Variants in CFAP77 observed in about 807,000 individuals in gnomAD.
CFAP77 encodes cilia- and flagella-associated protein 77.
A neutral mutation model predicts 31.1 loss-of-function variants in CFAP77; 25 were observed. The observed-to-expected ratio is 0.80, with a 90% CI of 0.59 to 1.12. CFAP77 has a LOEUF of 1.12. Ranked by LOEUF, CFAP77 falls within the 50% of genes most tolerant of loss-of-function variation. The pLI is 0.00. For synonymous variants in CFAP77, 151 were observed against 159.9 expected (o/e 0.94, Z 0.42); for missense variants, 377 against 397.3 (o/e 0.95, Z 0.44).
chr9:132,495,854 TACA>T lies in CFAP77; in HGVS notation c.196-2836_196-2834del. 2.6e-5 allele frequency among the ~76,000 whole-genome samples: 4 copies of T among 152,288 alleles called. No homozygotes were observed. The highest frequency in any genetic ancestry group is 7.2e-5 in the African/African-American group (3 of 41,562). ...ATCTCTGCTCTCTGCCACGTGAAGA[TACA>T]ACAAGAAGGCGGCCATCTGCAAACC... On this transcript the variant is annotated intron_variant, in intron 1 of 5. Coordinates refer to ENST00000393216, the MANE Select transcript of CFAP77 (RefSeq NM_001282957.2). The surrounding 1 kb of genome is among the most constrained non-coding windows in gnomAD (Gnocchi z 4.2).
intron 1 of CFAP77, among the ~76,000 whole-genome samples, chr9:132,474,646 C>T (rs1158018743): frequency 6.6e-6 from 1 of 151,996 alleles, no homozygotes; most frequent in Admixed American, 6.6e-5. Flanking sequence ...CGGGTGGCGG[C>T]GGTAGAGAAT....
rs543587053 is a variant in CFAP77, at chr9:132,530,344, C to T, written c.525-7257C>T. On this transcript the variant is annotated intron_variant, in intron 3 of 5. Coordinates refer to ENST00000393216, the MANE Select transcript of CFAP77 (RefSeq NM_001282957.2). Reference sequence around the variant, plus strand: ...ATCCTGGAGTGCAGTGGTGCAATCTCGGCTCACTGCAACTTCCACCTCCCA... The same window carrying T: ...ATCCTGGAGTGCAGTGGTGCAATCTTGGCTCACTGCAACTTCCACCTCCCA... 4.0e-5 allele frequency among the ~76,000 whole-genome samples: 6 copies of T among 151,306 alleles called. No homozygotes were observed. In the South Asian group the frequency reaches 8.3e-4, roughly 21 times the overall value.
At chr9:132,444,099 C>A (rs1355453204) in intron 1 of CFAP77, among the ~76,000 whole-genome samples, 3 of 152,238 alleles carry the variant, frequency 2.0e-5, no homozygotes, top group African/African-American at 7.2e-5. Flanking sequence ...TCCACCTCGT[C>A]CTTCATTGGA....
chr9:132,570,056 G>A (rs563101616), intron 5 of CFAP77, among the ~76,000 whole-genome samples: 82 of 152,210 alleles, frequency 5.4e-4, no homozygotes, highest in African/African-American at 1.9e-3. Flanking sequence ...TAGGAGCCAT[G>A]GGCCTCAGGA....
chr9:132,557,187 C>A (rs760662917), intron 5 of CFAP77, among the ~76,000 whole-genome samples: 2 of 152,140 alleles, frequency 1.3e-5, no homozygotes, highest in Non-Finnish European at 2.9e-5. Flanking sequence ...AAGGTGCAGA[C>A]GGGAAACGGG....
chr9:132,471,461 CCA>C lies in CFAP77; in HGVS notation c.196-27223_196-27222del, dbSNP rs374841759. The stretch of plus-strand genomic sequence containing the variant: ...TTTAAGGACCCCCCCCCACCGTTGC[CCA>C]CACACACACATCAAGTGAATGGCCA... On this transcript the variant is annotated intron_variant, in intron 1 of 5. Coordinates refer to ENST00000393216, the MANE Select transcript of CFAP77 (RefSeq NM_001282957.2). Among the ~76,000 whole-genome samples the C allele has an allele frequency of 4.6e-5, 7 of 152,020 alleles. No individual in the cohort carries two copies. The South Asian group carries it at 8.3e-4, about 18-fold the overall frequency.
chr9:132,533,317 G>A (rs1269033517), intron 3 of CFAP77, among the ~76,000 whole-genome samples: 1 of 152,184 alleles, frequency 6.6e-6, no homozygotes, highest in Non-Finnish European at 1.5e-5. Flanking sequence ...TGTAGGCTGA[G>A]GAACCCCTGT....
chr9:132,486,026 A>G (rs868462852), intron 1 of CFAP77, among the ~76,000 whole-genome samples: 7 of 26,768 alleles, frequency 2.6e-4, no homozygotes, highest in African/African-American at 1.2e-3. Flanking sequence ...ATATATATAT[A>G]TATATATATA....
intron 1 of CFAP77, among the ~76,000 whole-genome samples, chr9:132,482,085 G>C (rs1851457660): frequency 6.6e-6 from 1 of 151,868 alleles, no homozygotes; most frequent in Non-Finnish European, 1.5e-5. Context: ...CCCTGCAGCT[G>C]TCAAAACTTA....
In CFAP77 at chr9:132,518,758, C is replaced by A. The variant is rs189693667; in HGVS notation, c.525-18843C>A. Among the ~76,000 whole-genome samples the A allele has an allele frequency of 7.1e-3, 1,080 of 152,316 alleles. 13 individuals carry two copies. The highest frequency in any genetic ancestry group is 0.025 in the African/African-American group (1,033 of 41,578). On this transcript the variant is annotated intron_variant, in intron 3 of 5. Coordinates refer to ENST00000393216, the MANE Select transcript of CFAP77 (RefSeq NM_001282957.2). Reference sequence around the variant, plus strand: ...CCATCCCCAGAGATCTGTCCAAAGCCTCAGAGGAGATGTCCCTCATCCAAC... The same window carrying A: ...CCATCCCCAGAGATCTGTCCAAAGCATCAGAGGAGATGTCCCTCATCCAAC...
chr9:132,533,573 A>G (rs1852495186), intron 3 of CFAP77, among the ~76,000 whole-genome samples: 1 of 152,250 alleles, frequency 6.6e-6, no homozygotes, highest in Non-Finnish European at 1.5e-5. Context: ...AAGTAATTGC[A>G]GTTTTTTTCT....
chr9:132,431,476 G>C (rs1850410775), intron 1 of CFAP77, among the ~76,000 whole-genome samples: 1 of 152,204 alleles, frequency 6.6e-6, no homozygotes, highest in Admixed American at 6.5e-5. Context: ...TAAAGTGGAT[G>C]CTATGACTGC....
intron 1 of CFAP77, among the ~76,000 whole-genome samples, chr9:132,447,654 C>CGG (rs1850749442): frequency 6.6e-6 from 1 of 152,248 alleles, no homozygotes; most frequent in Admixed American, 6.5e-5. Flanking sequence ...TCGGACCTAA[C>CGG]ACTCCTCTCA....
intron 1 of CFAP77, 38 bp downstream of exon 1, chr9:132,410,504 G>A (rs1481075283): frequency 1.3e-6 from 2 of 1,503,922 alleles, no homozygotes; most frequent in Non-Finnish European, 1.8e-6. Flanking sequence ...CGCTGTCGCC[G>A]GCTCCGGGCA....
intron 5 of CFAP77, among the ~76,000 whole-genome samples, chr9:132,562,614 T>C (rs1434508826): frequency 6.6e-6 from 1 of 152,202 alleles, no homozygotes; most frequent in Non-Finnish European, 1.5e-5. Context: ...CTGATAAAAA[T>C]GTTCTACATC....
At chr9:132,419,971 G>T (rs1188087444) in intron 1 of CFAP77, among the ~76,000 whole-genome samples, 1 of 151,904 alleles carries the variant, frequency 6.6e-6, no homozygotes, top group Non-Finnish European at 1.5e-5. Flanking sequence ...AACCAGCCTG[G>T]GCAACATAAT....
chr9:132,562,377 T>A (rs1005023253), intron 5 of CFAP77, among the ~76,000 whole-genome samples: 5 of 152,260 alleles, frequency 3.3e-5, no homozygotes, highest in Non-Finnish European at 7.3e-5. Flanking sequence ...GAGCCTGGCG[T>A]GACCTCTGAG....
chr9:132,477,755 G>GAC (rs1413663029), intron 1 of CFAP77, among the ~76,000 whole-genome samples: 12 of 151,728 alleles, frequency 7.9e-5, no homozygotes, highest in African/African-American at 2.7e-4. Context: ...TGTCTAGGGG[G>GAC]TGAGTAGGGA....
At chr9:132,413,001 G>A (rs912425150) in intron 1 of CFAP77, among the ~76,000 whole-genome samples, 1 of 152,070 alleles carries the variant, frequency 6.6e-6, no homozygotes, top group African/African-American at 2.4e-5. Flanking sequence ...TCTTTAGGAG[G>A]GTGATTAGAA....
Sources: gnomAD v4.1 joint callset for allele counts (sites outside exome capture counted in the v4.1 genomes callset) on GRCh38, gnomAD v4.1.1 for gene constraint, Gnocchi (gnomAD v3.1) non-coding constraint, MANE v1.5 for transcripts, NCBI Gene and HGNC (gene_info 2026-07-23, HGNC 2026-07-21) for gene names.